PCDHGB4: variants seen among roughly 807,000 people sequenced by gnomAD.
The protein encoded by PCDHGB4 is protocadherin gamma-B4.
In PCDHGB4, 38 loss-of-function variants were observed where a neutral mutation model predicts 60.5. The ratio of observed to expected loss-of-function variants is 0.63; its 90% CI spans 0.48 to 0.82. The LOEUF (loss-of-function observed/expected upper bound fraction) is 0.82. Ranked by LOEUF, PCDHGB4 falls within the 40% of genes least tolerant of loss-of-function variation. The pLI is 0.00. For missense variants in PCDHGB4, 1,109 were observed against 1,209.6 expected, an observed-to-expected ratio of 0.92 and a Z score of 1.23; for synonymous variants, 456 against 509.7, an observed-to-expected ratio of 0.89 and a Z score of 1.42.
intron 1 of PCDHGB4, chr5:141,405,129 G>C: frequency 6.2e-7 from 1 of 1,613,964 alleles, no homozygotes. Flanking sequence ...CATCTGCTGC[G>C]GGCTACCAGT....
rs950537869 is a variant in PCDHGB4, at chr5:141,432,150, A to G, written c.2397+41869A>G. 6.2e-7 allele frequency: 1 copy of G among 1,614,010 alleles called. No homozygotes were observed. On this transcript the variant is annotated intron_variant, in intron 1 of 3. Coordinates refer to ENST00000519479, the MANE Select transcript of PCDHGB4 (RefSeq NM_003736.4). The surrounding 1 kb of genome is among the most constrained non-coding windows in gnomAD (Gnocchi z 6.0). ...TCCTATTCCGCTTATATCCCAGAGA[A>G]CAATCCCAGAGGAGTTTCCCTCGTC...
At chr5:141,497,848 T>C (rs2099779951) in intron 2 of PCDHGB4, among the ~76,000 whole-genome samples, 1 of 152,178 alleles carries the variant, frequency 6.6e-6, no homozygotes, top group South Asian at 2.1e-4. Flanking sequence ...AACAAACATT[T>C]TTGATTCAGC....
chr5:141,415,837 A>G (rs1232795581), intron 1 of PCDHGB4: 1 of 1,272,340 alleles, frequency 7.9e-7, no homozygotes, highest in Admixed American at 4.0e-5. Flanking sequence ...TGTTATGATT[A>G]GCTTTGCAGA....
chr5:141,442,700 T>TC (rs1388243183), intron 1 of PCDHGB4, among the ~76,000 whole-genome samples: 5 of 152,198 alleles, frequency 3.3e-5, no homozygotes, highest in Non-Finnish European at 7.3e-5. Flanking sequence ...CAGACAAGAG[T>TC]ATCAGACATG....
chr5:141,400,198 G>A (rs559051247), intron 1 of PCDHGB4: 4 of 1,613,926 alleles, frequency 2.5e-6, no homozygotes, highest in Non-Finnish European at 2.5e-6. Flanking sequence ...CCTAGTGGTG[G>A]CCTTGGCCTT....
intron 1 of PCDHGB4, chr5:141,404,640 T>C (rs368593595): frequency 1.6e-5 from 26 of 1,614,092 alleles, no homozygotes; most frequent in East Asian, 2.2e-5. Context: ...CCAGAAATCC[T>C]GTACCCTGCC....
chr5:141,500,269 C>T (rs977958449), intron 2 of PCDHGB4, among the ~76,000 whole-genome samples: 1 of 151,504 alleles, frequency 6.6e-6, no homozygotes, highest in African/African-American at 2.4e-5. Context: ...ACTGCAGTGG[C>T]GCAATCTCGG....
chr5:141,476,966 G>A lies in PCDHGB4; in HGVS notation c.2398-17841G>A. ...CAACGGTGAAATTATTTACTCCTTC[G>A]GCAGCCACAACCGCGCCGGCGTGCG... On this transcript the variant is annotated intron_variant, in intron 1 of 3. Transcript: ENST00000519479. This position sits in a 1 kb window ranked among gnomAD's most constrained non-coding sequence, Gnocchi z 7.6. 1 of 1,614,152 alleles carries A rather than the reference G, an allele frequency of 6.2e-7. No individual in the cohort carries two copies. The highest frequency in any genetic ancestry group is 8.5e-7 in the Non-Finnish European group (1 of 1,180,032).
intron 1 of PCDHGB4, chr5:141,399,446 A>G (rs2093810942): frequency 6.2e-7 from 1 of 1,613,826 alleles, no homozygotes; most frequent in South Asian, 1.1e-5. Flanking sequence ...CATATCAGAG[A>G]CGTCAACGAT....
intron 1 of PCDHGB4, chr5:141,408,803 G>T: frequency 6.2e-7 from 1 of 1,613,150 alleles, no homozygotes; most frequent in South Asian, 1.1e-5. Flanking sequence ...GAAACTCCTA[G>T]ACCGGGAAGA....
chr5:141,450,220 G>A (rs898186696), intron 1 of PCDHGB4, among the ~76,000 whole-genome samples: 12 of 151,956 alleles, frequency 7.9e-5, no homozygotes, highest in African/African-American at 2.9e-4. Flanking sequence ...GTTTCACTAT[G>A]TTGGCCAGGC....
intron 1 of PCDHGB4, among the ~76,000 whole-genome samples, chr5:141,447,275 G>A (rs2098532748): frequency 1.3e-5 from 2 of 152,154 alleles, no homozygotes; most frequent in South Asian, 2.1e-4. Context: ...AAGTAGCTGG[G>A]ACTACAGGCA....
intron 1 of PCDHGB4, among the ~76,000 whole-genome samples, chr5:141,450,112 T>G (rs2098669735): frequency 6.6e-6 from 1 of 150,618 alleles, no homozygotes; most frequent in Non-Finnish European, 1.5e-5. Context: ...GTTCAAATGA[T>G]TCTCCTGCCT....
At chr5:141,404,196 C>T in intron 1 of PCDHGB4, 3 of 1,613,466 alleles carry the variant, frequency 1.9e-6, no homozygotes, top group Non-Finnish European at 1.7e-6. Context: ...CGAGAAAAAG[C>T]CTCAGAATAT....
chr5:141,442,930 T>C (rs77210959), intron 1 of PCDHGB4, among the ~76,000 whole-genome samples: 6,420 of 152,302 alleles, frequency 0.042, 216 homozygotes, highest in African/African-American at 0.092. Flanking sequence ...TCATTTTCTA[T>C]TTAAGAAACT....
intron 1 of PCDHGB4, chr5:141,428,142 C>A: frequency 6.3e-7 from 1 of 1,594,260 alleles, no homozygotes; most frequent in Non-Finnish European, 8.6e-7. Flanking sequence ...CCTGGGGCTG[C>A]ACACGGGAAC....
intron 1 of PCDHGB4, chr5:141,407,888 C>T (rs769893466): frequency 2.6e-6 from 1 of 388,626 alleles, no homozygotes; most frequent in Non-Finnish European, 4.6e-6. Flanking sequence ...TTTCGGAGAC[C>T]GAATTCAAAA....
intron 1 of PCDHGB4, chr5:141,405,052 C>A (rs182635391): frequency 2.0e-4 from 329 of 1,613,956 alleles, no homozygotes; most frequent in Non-Finnish European, 2.5e-4. Flanking sequence ...TGGCAGTCGT[C>A]TCCTGTGTCT....
chr5:141,429,592 T>C (rs2097226711), intron 1 of PCDHGB4, among the ~76,000 whole-genome samples: 1 of 152,234 alleles, frequency 6.6e-6, no homozygotes, highest in Non-Finnish European at 1.5e-5. Flanking sequence ...ATTCTTGTAA[T>C]TCAAGTAAAC....
Sources: gnomAD v4.1 joint callset for allele counts (sites outside exome capture counted in the v4.1 genomes callset) on GRCh38, gnomAD v4.1.1 for gene constraint, Gnocchi (gnomAD v3.1) non-coding constraint, MANE v1.5 for transcripts, NCBI Gene and HGNC (gene_info 2026-07-23, HGNC 2026-07-21) for gene names.